The following SLAMF1 variants were observed in gnomAD, a reference collection of about 807,000 sequenced individuals.
SLAMF1 encodes signaling lymphocytic activation molecule family member 1, also known as signaling lymphocytic activation molecule.
A neutral mutation model predicts 35.1 loss-of-function variants in SLAMF1; 18 were observed. That is an observed-to-expected ratio of 0.51 (90% confidence interval 0.35 to 0.76). SLAMF1 has a LOEUF of 0.76. SLAMF1 is among the 30% of genes least tolerant of loss of function. The pLI is 0.01. For missense variants in SLAMF1, 392 were observed against 413.0 expected, an observed-to-expected ratio of 0.95 and a Z score of 0.44; for synonymous variants, 168 against 157.2, an observed-to-expected ratio of 1.07 and a Z score of -0.51.
intron 3 of SLAMF1, among the ~76,000 whole-genome samples, chr1:160,633,919 T>C (rs1660291759): frequency 6.6e-6 from 1 of 152,188 alleles, no homozygotes; most frequent in Non-Finnish European, 1.5e-5. Context: ...ATAACACCTA[T>C]CTGGCAAGGT....
intron 3 of SLAMF1, among the ~76,000 whole-genome samples, chr1:160,624,926 T>G (rs1659801246): frequency 6.6e-6 from 1 of 152,236 alleles, no homozygotes; most frequent in South Asian, 2.1e-4. Flanking sequence ...TGTAGCTCAA[T>G]AAGATTATAA....
intron 1 of SLAMF1, among the ~76,000 whole-genome samples, chr1:160,640,345 T>C (rs1442477447): frequency 7.2e-6 from 1 of 138,726 alleles, no homozygotes; most frequent in Non-Finnish European, 1.5e-5. Flanking sequence ...TATATATATA[T>C]ATATATATAT....
intron 3 of SLAMF1, among the ~76,000 whole-genome samples, chr1:160,628,040 A>T (rs1659973117): frequency 6.6e-6 from 1 of 152,114 alleles, no homozygotes; most frequent in African/African-American, 2.4e-5. Context: ...TTTGCTCCTC[A>T]TTCGCCTTCA....
intron 1 of SLAMF1, among the ~76,000 whole-genome samples, chr1:160,641,478 A>C: frequency 6.6e-6 from 1 of 152,096 alleles, no homozygotes; most frequent in East Asian, 1.9e-4. Flanking sequence ...TAAAAAAATA[A>C]AAAAATAAAA....
chr1:160,616,191 C>G (rs184574535), intron 5 of SLAMF1, among the ~76,000 whole-genome samples: 1 of 152,066 alleles, frequency 6.6e-6, no homozygotes, highest in Non-Finnish European at 1.5e-5. Flanking sequence ...CCAACTTTAC[C>G]GTGATGTGGG....
chr1:160,644,000 A>G (rs1660898261), intron 1 of SLAMF1, among the ~76,000 whole-genome samples: 1 of 152,226 alleles, frequency 6.6e-6, no homozygotes, highest in Non-Finnish European at 1.5e-5. Flanking sequence ...GTGATAATCA[A>G]TAAACAAACT....
At chr1:160,636,834 G>C (rs944348664) in intron 2 of SLAMF1, among the ~76,000 whole-genome samples, 1 of 151,990 alleles carries the variant, frequency 6.6e-6, no homozygotes. Context: ...TTTGATCTGT[G>C]GTATTCAACT....
Position 160,634,859 on chromosome 1 carries a change from T to C in SLAMF1, c.454A>G (p.Thr152Ala), listed in dbSNP as rs1660350491. The C allele has an allele frequency of 6.2e-7, 1 of 1,613,716 alleles. No homozygotes were observed. Among genetic ancestry groups the C allele is most frequent in the Admixed American group, 1.7e-5 (1 of 59,986 alleles). The change falls in exon 3 of 7, where the codon ACC becomes GCC. Residue 152 changes from threonine to alanine, a missense_variant. By Grantham distance (58) the Thr-to-Ala change is moderately conservative (BLOSUM62 0). Coordinates refer to ENST00000302035, the MANE Select transcript of SLAMF1 (RefSeq NM_003037.5). ...AAGGTGCAGGTCCCGTTCTCCTGGG[T>C]CTTGTTTAAAACTTTAATTTCTGGA... is the stretch of plus-strand genomic sequence containing the variant. ...STPEIKVLNK[T>A]QENGTCTLIL...
chr1:160,613,574 G>A (rs927202), intron 5 of SLAMF1, among the ~76,000 whole-genome samples: 57,997 of 152,074 alleles, frequency 0.38, 12,759 homozygotes, highest in East Asian at 0.65. Context: ...CTGGTTATGG[G>A]ATAATGCTGC....
Position 160,612,586 on chromosome 1 carries a change from A to C in SLAMF1, c.865-6T>G, listed in dbSNP as rs1207542973. On this transcript the variant is annotated splice_region_variant and splice_polypyrimidine_tract_variant and intron_variant, in intron 5 of 6. Coordinates refer to ENST00000302035, the MANE Select transcript of SLAMF1 (RefSeq NM_003037.5). ...TCAAGTTTCTTCTGAAGAGGCTACA[A>C]GAGAAGCAAAGAAAGCAGATTAGCT... is the stretch of plus-strand genomic sequence containing the variant. 6.3e-7 allele frequency: 1 copy of C among 1,576,878 alleles called. No individual in the cohort carries two copies. Among genetic ancestry groups the C allele is most frequent in the East Asian group, 2.2e-5 (1 of 44,576 alleles).
intron 3 of SLAMF1, among the ~76,000 whole-genome samples, chr1:160,626,519 C>T (rs1659889231): frequency 6.6e-6 from 1 of 152,154 alleles, no homozygotes; most frequent in Admixed American, 6.5e-5. Context: ...TCTTTGGATA[C>T]AAATATGAAT....
chr1:160,613,707 A>T (rs1243008998), intron 5 of SLAMF1, among the ~76,000 whole-genome samples: 1 of 152,252 alleles, frequency 6.6e-6, no homozygotes, highest in African/African-American at 2.4e-5. Flanking sequence ...TTATTGGAGG[A>T]AAAAGGGATG....
intron 1 of SLAMF1, among the ~76,000 whole-genome samples, chr1:160,640,353 T>TAC (rs1230371449): frequency 1.1e-4 from 14 of 131,682 alleles, no homozygotes; most frequent in African/African-American, 3.8e-4. Flanking sequence ...TATATATATA[T>TAC]ATATATACAC....
intron 6 of SLAMF1, among the ~76,000 whole-genome samples, chr1:160,612,025 T>C (rs1401673716): frequency 6.6e-6 from 1 of 152,118 alleles, no homozygotes; most frequent in African/African-American, 2.4e-5. Context: ...TCTTTATTTT[T>C]AACAAGTACG....
intron 1 of SLAMF1, among the ~76,000 whole-genome samples, chr1:160,645,642 A>T (rs34591977): frequency 7.9e-5 from 12 of 152,174 alleles, no homozygotes; most frequent in Non-Finnish European, 1.6e-4. Context: ...GGTTGCAACA[A>T]CGGAGGCTTG....
intron 6 of SLAMF1, among the ~76,000 whole-genome samples, chr1:160,611,817 C>T (rs1415434114): frequency 6.6e-6 from 1 of 152,134 alleles, no homozygotes. Flanking sequence ...AGAGTCTAGG[C>T]ATGAGCATTT....
At chr1:160,627,433 C>T (rs1473061836) in intron 3 of SLAMF1, among the ~76,000 whole-genome samples, 1 of 152,124 alleles carries the variant, frequency 6.6e-6, no homozygotes, top group Non-Finnish European at 1.5e-5. Context: ...ATTGGAAAGA[C>T]AAGAAAATGA....
rs1417556178 is a variant in SLAMF1, at chr1:160,610,119, T to C, written c.*629A>G. 8.8e-6 allele frequency: 3 copies of C among 340,856 alleles called. No homozygotes were observed. The highest frequency in any genetic ancestry group is 1.1e-5 in the Non-Finnish European group (2 of 174,098). 21.1% of individuals were successfully genotyped at this position (340,856 alleles called of 1,614,324 possible). A position where few individuals can be genotyped will look rare whatever the true frequency, so the allele number is the denominator to read the frequency against. ...AGAGATCTCAAAATCATTCTTTCTG[T>C]TTATTGACTTTTTAGCTTCTGGGTT... On this transcript the variant is annotated 3_prime_UTR_variant, in exon 7 of 7. Transcript: ENST00000302035.
chr1:160,638,847 G>A (rs1660594586), intron 1 of SLAMF1, among the ~76,000 whole-genome samples: 1 of 152,068 alleles, frequency 6.6e-6, no homozygotes, highest in South Asian at 2.1e-4. Context: ...ATACTCTCCC[G>A]GTTTTTCTCC....
Sources: allele counts gnomAD v4.1 joint callset (sites outside exome capture counted in the v4.1 genomes callset), GRCh38; gene constraint gnomAD v4.1.1; transcripts MANE v1.5; gene names NCBI Gene and HGNC (gene_info 2026-07-23, HGNC 2026-07-21).